Variants in GAB1 observed in about 807,000 individuals in gnomAD.
GAB1 encodes the protein GRB2 associated binding protein 1, also known as GRB2-associated-binding protein 1.
GAB1 carries 19 observed loss-of-function variants against 66.5 expected under a neutral mutation model. The observed-to-expected ratio is 0.29, with a 90% CI of 0.20 to 0.42. The LOEUF (loss-of-function observed/expected upper bound fraction) is 0.42. Ranked by LOEUF, GAB1 falls within the 10% of genes least tolerant of loss-of-function variation. The pLI is 1.00. For synonymous variants in GAB1, 294 were observed against 301.4 expected (o/e 0.98, Z 0.25); for missense variants, 732 against 858.5 (o/e 0.85, Z 1.84).
intron 2 of GAB1, among the ~76,000 whole-genome samples, chr4:143,429,259 C>T (rs1167053307): frequency 6.6e-6 from 1 of 152,130 alleles, no homozygotes; most frequent in Non-Finnish European, 1.5e-5. Context: ...CGTGCCACCA[C>T]ACCTGGCTAA....
At chr4:143,443,906 T>A (rs1477136338) in intron 6 of GAB1, among the ~76,000 whole-genome samples, 1 of 152,188 alleles carries the variant, frequency 6.6e-6, no homozygotes, top group Non-Finnish European at 1.5e-5. Flanking sequence ...CACTTAAACA[T>A]AATTATCTTA....
intron 1 of GAB1, among the ~76,000 whole-genome samples, chr4:143,387,411 G>A (rs543011115): frequency 9.9e-5 from 15 of 152,194 alleles, no homozygotes; most frequent in African/African-American, 3.4e-4. Flanking sequence ...GATAACAGGC[G>A]TGAGCCACCA....
chr4:143,359,846 C>G (rs1214750966), intron 1 of GAB1, among the ~76,000 whole-genome samples: 3 of 152,168 alleles, frequency 2.0e-5, no homozygotes, highest in Non-Finnish European at 4.4e-5. Flanking sequence ...TTGTGTTATA[C>G]TGTGCATTTG....
intron 1 of GAB1, among the ~76,000 whole-genome samples, chr4:143,373,868 A>AATAAATATAT: frequency 4.3e-5 from 4 of 93,666 alleles, no homozygotes; most frequent in Non-Finnish European, 6.3e-5. Context: ...TAAATAAATA[A>AATAAATATAT]ATATATATAT....
Position 143,425,533 on chromosome 4 carries a change from G to A in GAB1, c.368-7958G>A, listed in dbSNP as rs116746854. On this transcript the variant is annotated intron_variant, in intron 2 of 9. Coordinates refer to ENST00000262994, the MANE Select transcript of GAB1 (RefSeq NM_002039.4). ...TGCCATGTGGACATTGCCATCCCAT[G>A]CAACAACAAGGGAGCTCACTCCGTG... 110 of 762,594 alleles carry A rather than the reference G, an allele frequency of 1.4e-4. No homozygotes were observed. The African/African-American group carries it at 1.7e-3, about 12-fold the overall frequency. 47.2% of individuals were successfully genotyped at this position (762,594 alleles called of 1,614,324 possible).
intron 1 of GAB1, among the ~76,000 whole-genome samples, chr4:143,412,439 CAGG>C (rs202026563): frequency 0.029 from 4,414 of 152,244 alleles, 202 homozygotes; most frequent in African/African-American, 0.1. Context: ...TCTACTCTCT[CAGG>C]AGAATTCTGT....
rs185537073 is a variant in GAB1 at position 143,352,019 on chromosome 4, G to A, written c.72+14759G>A. ...TTTGAGAAAAACAGTCATTGAGATG[G>A]CTGAGCCTTTGATCACTAGAGGGTT... On this transcript the variant is annotated intron_variant, in intron 1 of 9. Coordinates refer to ENST00000262994, the MANE Select transcript of GAB1 (RefSeq NM_002039.4). 1.1e-4 allele frequency among the ~76,000 whole-genome samples: 16 copies of A among 152,264 alleles called. No individual in the cohort carries two copies. In the East Asian group the frequency reaches 2.9e-3, roughly 27 times the overall value.
rs1736020706 is a variant in GAB1 at position 143,470,443 on chromosome 4, AT to A, written c.*1255del. ...TATTGGAGCCTTGCTACAATGTGAA[AT>A]GTTATAGTCATGGACTCCTTCCAAC... is the stretch of plus-strand genomic sequence containing the variant. On this transcript the variant is annotated 3_prime_UTR_variant, in exon 10 of 10. Transcript: ENST00000262994. 1 of 152,176 alleles carries A rather than the reference AT, an allele frequency of 6.6e-6. No individual in the cohort carries two copies. 9.4% of individuals were successfully genotyped at this position (152,176 alleles called of 1,614,324 possible).
chr4:143,460,570 C>A, intron 8 of GAB1, 83 bp downstream of exon 8: 1 of 1,270,632 alleles, frequency 7.9e-7, no homozygotes. Context: ...TAAATTTTAT[C>A]CTCGTATCTT....
chr4:143,400,615 C>T (rs1193239800), intron 1 of GAB1, among the ~76,000 whole-genome samples: 2 of 151,938 alleles, frequency 1.3e-5, no homozygotes, highest in Non-Finnish European at 2.9e-5. Context: ...GAATCAAATC[C>T]AGTTACCAAA....
At position 143,474,449 on chromosome 4, in the gene GAB1, G is replaced by A. The variant is rs1487251895; in HGVS notation, c.*5260G>A. 2 of 152,168 alleles carry A rather than the reference G, an allele frequency of 1.3e-5. No homozygotes were observed. Among genetic ancestry groups the A allele is most frequent in the African/African-American group, 4.8e-5 (2 of 41,446 alleles). The allele number at this position is 152,168 out of a possible 1,614,324, so 9.4% of individuals were successfully genotyped here. Reference sequence around the variant, plus strand: ...TTAATATTATGTGTCAACTTGGTGAGGCTATGGCGCCCATGTGTTTGGTCA... The same window carrying A: ...TTAATATTATGTGTCAACTTGGTGAAGCTATGGCGCCCATGTGTTTGGTCA... On this transcript the variant is annotated 3_prime_UTR_variant, in exon 10 of 10. Coordinates refer to ENST00000262994, the MANE Select transcript of GAB1 (RefSeq NM_002039.4).
intron 1 of GAB1, among the ~76,000 whole-genome samples, chr4:143,385,369 T>C (rs1730851575): frequency 6.6e-6 from 1 of 152,210 alleles, no homozygotes; most frequent in African/African-American, 2.4e-5. Flanking sequence ...CTGAATTAAT[T>C]ACAGCCTCAT....
chr4:143,411,147 A>G (rs1310392426), intron 1 of GAB1, among the ~76,000 whole-genome samples: 6 of 152,006 alleles, frequency 3.9e-5, no homozygotes, highest in South Asian at 2.1e-4. Context: ...TTAGGGGTGG[A>G]GATGGGGCGG....
At chr4:143,357,032 G>C (rs1729472181) in intron 1 of GAB1, among the ~76,000 whole-genome samples, 1 of 152,028 alleles carries the variant, frequency 6.6e-6, no homozygotes, top group Non-Finnish European at 1.5e-5. Context: ...AATACCTTTA[G>C]GTAATCTATC....
At chr4:143,399,440 A>G (rs1731633391) in intron 1 of GAB1, among the ~76,000 whole-genome samples, 1 of 152,254 alleles carries the variant, frequency 6.6e-6, no homozygotes, top group African/African-American at 2.4e-5. Context: ...AGTTCAAACT[A>G]CAGGTAACCT....
At chr4:143,431,187 A>G (rs1015637479) in intron 2 of GAB1, among the ~76,000 whole-genome samples, 1 of 152,212 alleles carries the variant, frequency 6.6e-6, no homozygotes, top group Admixed American at 6.5e-5. Flanking sequence ...GAGCCCATAA[A>G]GAGACAGGAT....
At chr4:143,373,199 A>G (rs922448362) in intron 1 of GAB1, among the ~76,000 whole-genome samples, 24 of 152,210 alleles carry the variant, frequency 1.6e-4, no homozygotes. Context: ...ATGTCATCTC[A>G]TCGCTGTCTG....
chr4:143,408,547 C>T (rs1277218481), intron 1 of GAB1, among the ~76,000 whole-genome samples: 1 of 151,990 alleles, frequency 6.6e-6, no homozygotes, highest in Non-Finnish European at 1.5e-5. Flanking sequence ...GTTTTTTTTA[C>T]TTAACAGTTA....
At chr4:143,380,791 T>G (rs1180550959) in intron 1 of GAB1, 1 of 152,228 alleles carries the variant, frequency 6.6e-6, no homozygotes, top group African/African-American at 2.4e-5. Context: ...GATGTTTAGT[T>G]TATGTACACC....
Sources: gnomAD v4.1 joint callset for allele counts (sites outside exome capture counted in the v4.1 genomes callset) on GRCh38, gnomAD v4.1.1 for gene constraint, MANE v1.5 for transcripts, NCBI Gene and HGNC (gene_info 2026-07-23, HGNC 2026-07-21) for gene names.